Variants in PIKFYVE observed in about 807,000 individuals in gnomAD.
PIKFYVE encodes the protein 1-phosphatidylinositol 3-phosphate 5-kinase.
Under a neutral mutation model 257.9 loss-of-function variants are expected in PIKFYVE, and 122 were observed. That is an observed-to-expected ratio of 0.47 (90% CI 0.41 to 0.55). The LOEUF (loss-of-function observed/expected upper bound fraction) is 0.55, where lower values mean the gene tolerates loss of function less well. PIKFYVE is among the 20% of genes least tolerant of loss of function. PIKFYVE has a pLI of 0.00. For missense variants in PIKFYVE, 2,160 were observed against 2,536.6 expected (o/e 0.85, Z 3.19); for synonymous variants, 892 against 868.9 (o/e 1.03, Z -0.47).
At chr2:208,299,358 C>G (rs565297816) in intron 8 of PIKFYVE, among the ~76,000 whole-genome samples, 31 of 151,756 alleles carry the variant, frequency 2.0e-4, no homozygotes, top group Middle Eastern at 3.5e-3. Flanking sequence ...GGCGCAATCT[C>G]GGCTCACTGC....
intron 16 of PIKFYVE, among the ~76,000 whole-genome samples, chr2:208,319,124 C>T (rs1003063077): frequency 1.3e-5 from 2 of 152,170 alleles, no homozygotes; most frequent in Non-Finnish European, 2.9e-5. Flanking sequence ...TCTGGGGATA[C>T]TGATTTTGTT....
chr2:208,328,098 A>G, intron 20 of PIKFYVE, 82 bp from the exon 21 acceptor site: 1 of 1,607,164 alleles, frequency 6.2e-7, no homozygotes, highest in Non-Finnish European at 8.5e-7. Flanking sequence ...GAGGCTTTAC[A>G]AATAGAGTGG....
rs775989566 is a variant in PIKFYVE at position 208,285,837 on chromosome 2, C to G, written c.725C>G (p.Ser242Cys). 2 of 1,614,094 alleles carry G rather than the reference C, an allele frequency of 1.2e-6. No homozygotes were observed. Among genetic ancestry groups the G allele is most frequent in the East Asian group, 2.2e-5 (1 of 44,866 alleles). Reference sequence around the variant, plus strand: ...AATGCTCTTTCAGATTCTGCTTGCTCTGTGTCTGTGCTTGATCCAAGTGAA... The same window carrying G: ...AATGCTCTTTCAGATTCTGCTTGCTGTGTGTCTGTGCTTGATCCAAGTGAA... Reference protein sequence around the residue: ...DLNALSDSACSVSVLDPSEPR... With the variant: ...DLNALSDSACCVSVLDPSEPR... The change falls in exon 6 of 42, where the codon TCT (serine) becomes TGT (cysteine). Residue 242 changes from serine to cysteine, a missense_variant. This residue lies in a region of PIKFYVE where 187 missense variants were observed against 185.6 expected (regional missense o/e 1.01). Transcript: ENST00000264380.
At chr2:208,337,561 A>G (rs1698268640) in intron 28 of PIKFYVE, among the ~76,000 whole-genome samples, 2 of 152,174 alleles carry the variant, frequency 1.3e-5, no homozygotes, top group South Asian at 2.1e-4. Flanking sequence ...ATATCAATCT[A>G]TCTAGATATA....
rs773263891 is a variant in PIKFYVE at position 208,354,028 on chromosome 2, C to G, written c.5975C>G (p.Ser1992Cys). 1 of 1,614,082 alleles carries G rather than the reference C, an allele frequency of 6.2e-7. No individual in the cohort carries two copies. Among genetic ancestry groups the G allele is most frequent in the Non-Finnish European group, 8.5e-7 (1 of 1,179,986 alleles). The change falls in exon 40 of 42, where the codon TCT (serine) becomes TGT (cysteine). Residue 1992 changes from serine to cysteine, a missense_variant. Around this residue, in one of 12 missense-constraint regions of PIKFYVE, gnomAD observed 699 missense variants for 855.8 expected, o/e 0.82. Transcript: ENST00000264380. ...CGAGACAACCCTCTATATATTCGTT[C>G]TCATTCCAAAGCTGTGCTGAGAACC... The part of the protein sequence containing the change: ...MVRDNPLYIR[S>C]HSKAVLRTSI...
chr2:208,320,235 C>T lies in PIKFYVE; in HGVS notation c.2083-17C>T. Reference sequence around the variant, plus strand: ...GCAAACCTTTAAACACTTTAACAAACTGTTCATTTTTTGTAGATGAGTTCT... The same window carrying T: ...GCAAACCTTTAAACACTTTAACAAATTGTTCATTTTTTGTAGATGAGTTCT... On this transcript the variant is annotated splice_polypyrimidine_tract_variant and intron_variant, in intron 16 of 41. Coordinates refer to ENST00000264380, the MANE Select transcript of PIKFYVE (RefSeq NM_015040.4). The T allele has an allele frequency of 6.2e-7, 1 of 1,608,592 alleles. No homozygotes were observed. Among genetic ancestry groups the T allele is most frequent in the Non-Finnish European group, 8.5e-7 (1 of 1,176,758 alleles).
chr2:208,324,679 C>T (rs1696708401), intron 18 of PIKFYVE, among the ~76,000 whole-genome samples: 1 of 152,064 alleles, frequency 6.6e-6, no homozygotes, highest in East Asian at 1.9e-4. Context: ...ATCCATGATG[C>T]TTAAGTGCAT....
chr2:208,274,185 C>T, intron 3 of PIKFYVE: 1 of 966,666 alleles, frequency 1.0e-6, no homozygotes, highest in South Asian at 1.5e-5. Flanking sequence ...GCCTTCTGTC[C>T]TTGTTGGGGT....
Position 208,301,160 on chromosome 2 carries a change from T to C in PIKFYVE, c.1208+66T>C, listed in dbSNP as rs1574515052. 1.5e-5 allele frequency: 23 copies of C among 1,572,602 alleles called. No homozygotes were observed. The East Asian group carries it at 2.7e-4, about 19-fold the overall frequency. ...TTGAATGAGAAAACATATTTGAAGA[T>C]AGTAAGAGTTACAGATTTCTTTGTA... On this transcript the variant is annotated intron_variant, in intron 9 of 41. Coordinates refer to ENST00000264380, the MANE Select transcript of PIKFYVE (RefSeq NM_015040.4).
At chr2:208,340,577 A>G (rs1221845466) in intron 31 of PIKFYVE, among the ~76,000 whole-genome samples, 1 of 152,156 alleles carries the variant, frequency 6.6e-6, no homozygotes, top group East Asian at 1.9e-4. Flanking sequence ...TCAAATTTGG[A>G]AAGAATATAG....
At chr2:208,334,011 G>C (rs1697851611) in intron 24 of PIKFYVE, among the ~76,000 whole-genome samples, 1 of 152,192 alleles carries the variant, frequency 6.6e-6, no homozygotes, top group African/African-American at 2.4e-5. Flanking sequence ...TTTTTGCCAA[G>C]ATATTAACCA....
intron 27 of PIKFYVE, 31 bp downstream of exon 27, chr2:208,336,231 A>G (rs1698129928): frequency 1.2e-6 from 2 of 1,612,280 alleles, no homozygotes; most frequent in Non-Finnish European, 1.7e-6. Context: ...TTTCTTTAAT[A>G]TTATTGCCAC....
Position 208,324,192 on chromosome 2 carries a change from C to A in PIKFYVE, c.2241C>A (p.Pro747=). 6.2e-7 allele frequency: 1 copy of A among 1,613,788 alleles called. No homozygotes were observed. Among genetic ancestry groups the A allele is most frequent in the Non-Finnish European group, 8.5e-7 (1 of 1,179,776 alleles). ...TCCAGCGAATAGTTGATGTTCGACC[C>A]ACCTTGGTTCTTGTTGAGAAAACAG... ...NYVQRIVDVR[P]TLVLVEKTVS... The change falls in exon 18 of 42, where the codon CCC becomes CCA. Residue 747 remains proline, a synonymous_variant. Coordinates refer to ENST00000264380, the MANE Select transcript of PIKFYVE (RefSeq NM_015040.4).
intron 23 of PIKFYVE, 83 bp from the exon 24 acceptor site, chr2:208,333,232 T>TC: frequency 1.5e-6 from 2 of 1,337,140 alleles, no homozygotes; most frequent in South Asian, 2.6e-5. Flanking sequence ...AGACTCCATC[T>TC]CAAAAAAAAA....
At chr2:208,339,369 T>A in intron 29 of PIKFYVE, 49 bp from the exon 30 acceptor site, 1 of 1,597,652 alleles carries the variant, frequency 6.3e-7, no homozygotes, top group Non-Finnish European at 8.6e-7. Flanking sequence ...TAGGTAGACA[T>A]GGACTTAATG....
intron 21 of PIKFYVE, among the ~76,000 whole-genome samples, chr2:208,329,174 T>A (rs1324090455): frequency 6.6e-6 from 1 of 152,220 alleles, no homozygotes; most frequent in Admixed American, 6.5e-5. Context: ...CTATGGAACA[T>A]AACTTCTTGT....
At chr2:208,344,085 C>T (rs941186226) in intron 32 of PIKFYVE, among the ~76,000 whole-genome samples, 5 of 151,742 alleles carry the variant, frequency 3.3e-5, no homozygotes, top group African/African-American at 4.8e-5. Flanking sequence ...CCCAAAGTGC[C>T]GGGCTTACAG....
intron 16 of PIKFYVE, among the ~76,000 whole-genome samples, chr2:208,319,263 T>C (rs2125513196): frequency 6.6e-6 from 1 of 152,340 alleles, no homozygotes; most frequent in East Asian, 1.9e-4. Flanking sequence ...TGAAAATTAT[T>C]AGTGACCATA....
intron 12 of PIKFYVE, among the ~76,000 whole-genome samples, chr2:208,310,538 G>A (rs1237361647): frequency 2.0e-5 from 3 of 152,140 alleles, no homozygotes; most frequent in Non-Finnish European, 4.4e-5. Context: ...TTCTTGGAAA[G>A]TTAGCAAGTA....
Sources: allele counts gnomAD v4.1 joint callset (sites outside exome capture counted in the v4.1 genomes callset), GRCh38; gene constraint gnomAD v4.1.1; regional missense constraint gnomAD v4.1.1; transcripts MANE v1.5; gene names NCBI Gene and HGNC (gene_info 2026-07-23, HGNC 2026-07-21).